LRCH2: variants seen among roughly 807,000 people sequenced by gnomAD.
LRCH2 encodes the protein leucine rich repeats and calponin homology domain containing 2, also known as leucine-rich repeat and calponin homology domain-containing protein 2.
In LRCH2, 38 loss-of-function variants were observed where a neutral mutation model predicts 68.9. The ratio of observed to expected loss-of-function variants is 0.55; its 90% confidence interval spans 0.43 to 0.72. The LOEUF (loss-of-function observed/expected upper bound fraction) is 0.72, where lower values mean the gene tolerates loss of function less well. Among genes scored for constraint, LRCH2 ranks in the 30% least tolerant of loss-of-function variants. The pLI is 0.00. For synonymous variants in LRCH2, 191 were observed against 208.1 expected, an observed-to-expected ratio of 0.92 and a Z score of 0.71; for missense variants, 528 against 572.9, an observed-to-expected ratio of 0.92 and a Z score of 0.80.
chrX:115,113,356 T>C (rs782317186), intron 20 of LRCH2, 21 bp from the exon 21 acceptor site: 1 of 1,127,939 alleles, frequency 8.9e-7, no homozygotes, highest in South Asian at 2.3e-5. Context: ...AAAAGAGATA[T>C]TTGAACATTC....
intron 11 of LRCH2, among the ~76,000 whole-genome samples, chrX:115,162,110 G>A (rs782336076): frequency 2.7e-5 from 3 of 109,277 alleles, no homozygotes; most frequent in South Asian, 4.0e-4. Flanking sequence ...TGGTAGAGAC[G>A]GGGTTTCGCC....
intron 1 of LRCH2, among the ~76,000 whole-genome samples, chrX:115,222,444 G>A (rs186926204): frequency 8.9e-6 from 1 of 111,848 alleles, no homozygotes; most frequent in African/African-American, 3.2e-5. Context: ...AAAGGCTCCA[G>A]ATTTGAAAAG....
At chrX:115,131,529 A>G (rs1299177360) in intron 14 of LRCH2, among the ~76,000 whole-genome samples, 4 of 111,482 alleles carry the variant, frequency 3.6e-5, no homozygotes, top group Non-Finnish European at 7.5e-5. Flanking sequence ...GGTTGGTTCC[A>G]AGTCTTTGCT....
chrX:115,139,625 C>T (rs2072319623), intron 14 of LRCH2, among the ~76,000 whole-genome samples: 2 of 110,983 alleles, frequency 1.8e-5, no homozygotes, highest in Admixed American at 1.9e-4. Context: ...ACTAAAAATA[C>T]AAAAATTAGC....
At chrX:115,183,413 G>A (rs2072708754) in intron 3 of LRCH2, among the ~76,000 whole-genome samples, 1 of 111,554 alleles carries the variant, frequency 9.0e-6, no homozygotes, top group Non-Finnish European at 1.9e-5. Flanking sequence ...TAGGACTTTA[G>A]TCCATGCACA....
chrX:115,176,398 T>A (rs1300221836), intron 5 of LRCH2, among the ~76,000 whole-genome samples: 1 of 112,064 alleles, frequency 8.9e-6, no homozygotes, highest in Admixed American at 9.4e-5. Context: ...TGGTTGTGAT[T>A]TACATTTCCC....
intron 1 of LRCH2, among the ~76,000 whole-genome samples, chrX:115,229,923 G>T (rs1248108932): frequency 8.9e-6 from 1 of 111,902 alleles, no homozygotes; most frequent in Non-Finnish European, 1.9e-5. Context: ...GGACACGGCA[G>T]AATCTGATGT....
intron 3 of LRCH2, among the ~76,000 whole-genome samples, chrX:115,184,004 G>A (rs1330818241): frequency 8.9e-6 from 1 of 112,213 alleles, no homozygotes; most frequent in Non-Finnish European, 1.9e-5. Context: ...GAAGAGTTAT[G>A]TTGCTAATTC....
At chrX:115,218,131 C>T (rs782790848) in intron 1 of LRCH2, among the ~76,000 whole-genome samples, 33 of 110,790 alleles carry the variant, frequency 3.0e-4, no homozygotes, top group African/African-American at 9.2e-4. Flanking sequence ...AGGGAGCCCC[C>T]GTCTCAAAGA....
intron 15 of LRCH2, among the ~76,000 whole-genome samples, chrX:115,128,229 G>T (rs2072215317): frequency 9.1e-6 from 1 of 110,170 alleles, no homozygotes; most frequent in Admixed American, 9.7e-5. Flanking sequence ...GTATGAGGAG[G>T]CAGGGATAAG....
At chrX:115,216,550 G>T (rs989736014) in intron 1 of LRCH2, among the ~76,000 whole-genome samples, 1 of 111,888 alleles carries the variant, frequency 8.9e-6, no homozygotes, top group African/African-American at 3.2e-5. Flanking sequence ...ACAAAATTTT[G>T]AGACAGCCAA....
intron 14 of LRCH2, among the ~76,000 whole-genome samples, chrX:115,145,194 G>T (rs2072371617): frequency 9.0e-6 from 1 of 111,604 alleles, no homozygotes; most frequent in African/African-American, 3.3e-5. Flanking sequence ...ATACACGGGG[G>T]AAAAGACAGT....
intron 5 of LRCH2, among the ~76,000 whole-genome samples, chrX:115,177,710 T>TG (rs1241153161): frequency 9.0e-6 from 1 of 111,168 alleles, no homozygotes; most frequent in African/African-American, 3.3e-5. Context: ...TGTGCCATGG[T>TG]GGTTTGCTGC....
intron 1 of LRCH2, among the ~76,000 whole-genome samples, chrX:115,206,419 G>A (rs982358710): frequency 2.7e-5 from 3 of 111,920 alleles, no homozygotes; most frequent in Non-Finnish European, 1.9e-5. Flanking sequence ...TGGGTTTACC[G>A]GAATGAGGGC....
intron 14 of LRCH2, among the ~76,000 whole-genome samples, chrX:115,145,697 A>T (rs1199770019): frequency 8.9e-6 from 1 of 112,025 alleles, no homozygotes; most frequent in Non-Finnish European, 1.9e-5. Flanking sequence ...GGTGCTCAAC[A>T]TCATTGATCA....
At chrX:115,114,509 T>TA (rs1224411912) in intron 20 of LRCH2, among the ~76,000 whole-genome samples, 7 of 108,752 alleles carry the variant, frequency 6.4e-5, no homozygotes, top group African/African-American at 2.0e-4. Context: ...AACAATAAAG[T>TA]AAAAAAACAA....
At chrX:115,153,526 A>G (rs1447786038) in intron 12 of LRCH2, among the ~76,000 whole-genome samples, 1 of 111,255 alleles carries the variant, frequency 9.0e-6, no homozygotes, top group African/African-American at 3.3e-5. Context: ...CATTATTCTG[A>G]TTATCTAAAT....
chrX:115,150,482 T>C (rs2072423809), intron 12 of LRCH2, among the ~76,000 whole-genome samples: 1 of 111,386 alleles, frequency 9.0e-6, no homozygotes, highest in Non-Finnish European at 1.9e-5. Context: ...GCCTACTGAA[T>C]TACTGATTAT....
chrX:115,200,780 A>G (rs2072925306), intron 1 of LRCH2, among the ~76,000 whole-genome samples: 2 of 110,996 alleles, frequency 1.8e-5, no homozygotes, highest in African/African-American at 6.5e-5. Flanking sequence ...AGAGGAGAGT[A>G]TTCTCCCTAA....
Sources: allele counts gnomAD v4.1 joint callset (sites outside exome capture counted in the v4.1 genomes callset), GRCh38; gene constraint gnomAD v4.1.1; transcripts MANE v1.5; gene names NCBI Gene and HGNC (gene_info 2026-07-23, HGNC 2026-07-21).